DNER: variants seen among roughly 807,000 people sequenced by gnomAD.
DNER encodes the protein delta/notch like EGF repeat containing, also known as delta and Notch-like epidermal growth factor-related receptor.
DNER carries 33 observed loss-of-function variants against 78.2 expected under a neutral mutation model. The ratio of observed to expected loss-of-function variants is 0.42; its 90% CI spans 0.32 to 0.56. DNER has a LOEUF of 0.56. Among genes scored for constraint, DNER ranks in the 20% least tolerant of loss-of-function variants. DNER has a pLI of 0.11. For synonymous variants in DNER, 417 were observed against 384.8 expected (o/e 1.08, Z -0.98); for missense variants, 918 against 975.3 (o/e 0.94, Z 0.78).
At chr2:229,387,187 G>A (rs1284235926) in intron 11 of DNER, among the ~76,000 whole-genome samples, 1 of 152,084 alleles carries the variant, frequency 6.6e-6, no homozygotes, top group Non-Finnish European at 1.5e-5. Context: ...GGACATGGAT[G>A]AAGCTGGAAA....
chr2:229,433,823 A>T (rs564497931), intron 8 of DNER, among the ~76,000 whole-genome samples: 16 of 152,344 alleles, frequency 1.1e-4, no homozygotes, highest in African/African-American at 3.4e-4. Flanking sequence ...TGACTATCAT[A>T]TACTAGACAT....
At chr2:229,370,242 C>T (rs1392945960) in intron 11 of DNER, among the ~76,000 whole-genome samples, 1 of 152,170 alleles carries the variant, frequency 6.6e-6, no homozygotes, top group Admixed American at 6.5e-5. Flanking sequence ...TAGAAGCTAA[C>T]AGAAAAATGA....
chr2:229,509,018 G>A (rs1695806751), intron 6 of DNER, among the ~76,000 whole-genome samples: 1 of 152,184 alleles, frequency 6.6e-6, no homozygotes, highest in Admixed American at 6.5e-5. Flanking sequence ...AACAAAGGAG[G>A]AGCCTATAAG....
intron 5 of DNER, among the ~76,000 whole-genome samples, chr2:229,516,895 C>T (rs1286738144): frequency 6.6e-6 from 1 of 151,156 alleles, no homozygotes; most frequent in Non-Finnish European, 1.5e-5. Context: ...ATCACAAGGT[C>T]AAGAGATCGA....
At chr2:229,410,257 TGTCAC>T (rs1274938884) in intron 9 of DNER, among the ~76,000 whole-genome samples, 1 of 152,236 alleles carries the variant, frequency 6.6e-6, no homozygotes, top group Non-Finnish European at 1.5e-5. Context: ...GGACTGTCAT[TGTCAC>T]GGAGTTCACT....
At chr2:229,497,269 A>G (rs1695519469) in intron 6 of DNER, among the ~76,000 whole-genome samples, 1 of 152,168 alleles carries the variant, frequency 6.6e-6, no homozygotes, top group Non-Finnish European at 1.5e-5. Flanking sequence ...ATGGAAACAC[A>G]ACATACCAAA....
chr2:229,552,366 G>T lies in DNER; in HGVS notation c.848-5274C>A, dbSNP rs77887331. 5.5e-3 allele frequency among the ~76,000 whole-genome samples: 835 copies of T among 152,278 alleles called. 13 individuals are homozygous for T. The highest frequency in any genetic ancestry group is 0.018 in the African/African-American group (759 of 41,556). ...TAATATTAAATCTGTAGAACCATTT[G>T]CTTCCTCTGAAAGAAATCTGGAGGG... On this transcript the variant is annotated intron_variant, in intron 4 of 12. Transcript: ENST00000341772.
intron 1 of DNER, among the ~76,000 whole-genome samples, chr2:229,620,567 C>T (rs934033746): frequency 3.9e-5 from 6 of 152,182 alleles, no homozygotes; most frequent in Non-Finnish European, 5.9e-5. Flanking sequence ...TTGGGGTGCT[C>T]GGTAGCTCCT....
chr2:229,481,276 G>T (rs1215619516), intron 6 of DNER, among the ~76,000 whole-genome samples: 3 of 152,118 alleles, frequency 2.0e-5, no homozygotes, highest in African/African-American at 7.2e-5. Context: ...TATTATTCTT[G>T]GCCTCCAGGG....
intron 1 of DNER, among the ~76,000 whole-genome samples, chr2:229,594,531 G>T (rs899734761): frequency 4.0e-5 from 6 of 151,838 alleles, no homozygotes; most frequent in Non-Finnish European, 5.9e-5. Context: ...AGGTTGCAGT[G>T]AGCCAAGATT....
chr2:229,415,504 A>G (rs1693629122), intron 9 of DNER, among the ~76,000 whole-genome samples: 2 of 152,212 alleles, frequency 1.3e-5, no homozygotes. Context: ...CTGATACAGA[A>G]GGCGGATCTA....
At chr2:229,379,361 G>A (rs1345465854) in intron 11 of DNER, among the ~76,000 whole-genome samples, 2 of 152,162 alleles carry the variant, frequency 1.3e-5, no homozygotes, top group Non-Finnish European at 2.9e-5. Flanking sequence ...CTATAATCAA[G>A]TGAGAAAGAC....
At chr2:229,386,351 C>G (rs1692865479) in intron 11 of DNER, among the ~76,000 whole-genome samples, 1 of 152,130 alleles carries the variant, frequency 6.6e-6, no homozygotes. Flanking sequence ...CACGTAAGAC[C>G]TAAAACTGTA....
intron 4 of DNER, among the ~76,000 whole-genome samples, chr2:229,582,236 C>T (rs902143773): frequency 6.6e-6 from 1 of 152,166 alleles, no homozygotes; most frequent in Non-Finnish European, 1.5e-5. Context: ...ACAAAAAGAG[C>T]GTTAAGCACA....
intron 1 of DNER, among the ~76,000 whole-genome samples, chr2:229,598,521 T>G (rs1350231875): frequency 6.6e-6 from 1 of 152,234 alleles, no homozygotes; most frequent in Non-Finnish European, 1.5e-5. Flanking sequence ...TGGGATCCTT[T>G]GTTTGATTGA....
intron 8 of DNER, among the ~76,000 whole-genome samples, chr2:229,445,942 A>T (rs1034386423): frequency 6.6e-6 from 1 of 152,226 alleles, no homozygotes; most frequent in African/African-American, 2.4e-5. Flanking sequence ...GTCTATGTGA[A>T]AAAAGGCTTT....
At chr2:229,574,534 T>C (rs1238883307) in intron 4 of DNER, among the ~76,000 whole-genome samples, 1 of 152,162 alleles carries the variant, frequency 6.6e-6, no homozygotes, top group East Asian at 1.9e-4. Flanking sequence ...AAACAGTGTA[T>C]GTCTATATAC....
intron 4 of DNER, among the ~76,000 whole-genome samples, chr2:229,578,432 C>T (rs1450049564): frequency 6.6e-6 from 1 of 152,158 alleles, no homozygotes; most frequent in Non-Finnish European, 1.5e-5. Flanking sequence ...CAAAAGGATT[C>T]GTCAAGAAAT....
At chr2:229,410,895 T>G (rs6436863) in intron 9 of DNER, among the ~76,000 whole-genome samples, 62,510 of 151,882 alleles carry the variant, frequency 0.41, 13,981 homozygotes, top group Non-Finnish European at 0.5. Flanking sequence ...ATATTTACTT[T>G]AAGACATCGT....
Sources: allele counts gnomAD v4.1 joint callset (sites outside exome capture counted in the v4.1 genomes callset), GRCh38; gene constraint gnomAD v4.1.1; transcripts MANE v1.5; gene names NCBI Gene and HGNC (gene_info 2026-07-23, HGNC 2026-07-21).